The following FBRSL1 variants were observed in gnomAD, a reference collection of about 807,000 sequenced individuals.
The protein encoded by FBRSL1 is fibrosin-1-like protein.
In FBRSL1, 51 loss-of-function variants were observed where a neutral mutation model predicts 89.6. The ratio of observed to expected loss-of-function variants is 0.57; its 90% CI spans 0.45 to 0.72. The LOEUF (loss-of-function observed/expected upper bound fraction) is 0.72. Ranked by LOEUF, FBRSL1 falls within the 30% of genes least tolerant of loss-of-function variation. FBRSL1 has a pLI of 0.00. For missense variants in FBRSL1, 1,618 were observed against 1,451.8 expected (o/e 1.11, Z -1.86); for synonymous variants, 779 against 681.1 (o/e 1.14, Z -2.24).
intron 4 of FBRSL1, among the ~76,000 whole-genome samples, chr12:132,529,458 T>C (rs1050367440): frequency 6.6e-6 from 1 of 152,104 alleles, no homozygotes; most frequent in African/African-American, 2.4e-5. Context: ...GCCAGGCCCT[T>C]TGCACCCCCA....
chr12:132,583,811 C>A lies in FBRSL1; in HGVS notation c.*33C>A. 3 of 1,150,352 alleles carry A rather than the reference C, an allele frequency of 2.6e-6. No homozygotes were observed. Among genetic ancestry groups the A allele is most frequent in the Non-Finnish European group, 2.2e-6 (2 of 922,718 alleles). 71.3% of individuals were successfully genotyped at this position (1,150,352 alleles called of 1,614,324 possible). A position where few individuals can be genotyped will look rare whatever the true frequency, so the allele number is the denominator to read the frequency against. ...GCCGCAGACGCCTCTCCGAGCGGAG[C>A]GCACCGCTGTCCGTCTCTCCATCAG... On this transcript the variant is annotated 3_prime_UTR_variant, in exon 19 of 19. Coordinates refer to ENST00000680143, the MANE Select transcript of FBRSL1 (RefSeq NM_001367871.1).
intron 2 of FBRSL1, among the ~76,000 whole-genome samples, chr12:132,523,417 G>A (rs954511851): frequency 6.6e-6 from 1 of 152,050 alleles, no homozygotes; most frequent in Non-Finnish European, 1.5e-5. Context: ...GGTTTGGGAG[G>A]AGCACACGCA....
At position 132,583,194 on chromosome 12, in the gene FBRSL1, C is replaced by G; in HGVS notation, c.2425C>G (p.Pro809Ala). 1 of 1,448,824 alleles carries G rather than the reference C, an allele frequency of 6.9e-7. No homozygotes were observed. The highest frequency in any genetic ancestry group is 9.1e-7 in the Non-Finnish European group (1 of 1,104,050). The allele number at this position is 1,448,824 out of a possible 1,614,324, so 89.7% of individuals were successfully genotyped here. The change falls in exon 19 of 19, where the codon CCT (proline) becomes GCT (alanine). Residue 809 changes from proline (P) to alanine (A), a missense_variant. Pro to Ala is a conservative substitution (Grantham distance 27). Transcript: ENST00000680143. Reference sequence around the variant, plus strand: ...ATCCCCGCCCCACAGCAAGGCGGCCCCTGGAGACGTGAAGGTCAAGGAGGA... The same window carrying G: ...ATCCCCGCCCCACAGCAAGGCGGCCGCTGGAGACGTGAAGGTCAAGGAGGA... ...RASPPHSKAA[P>A]GDVKVKEERG...
chr12:132,565,329 A>G (rs1272079987), intron 5 of FBRSL1: 3 of 152,190 alleles, frequency 2.0e-5, no homozygotes, highest in Non-Finnish European at 4.4e-5. Context: ...TGGTGGACAC[A>G]TTCTACAATT....
chr12:132,574,641 G>A (rs775818068), intron 14 of FBRSL1, 77 bp downstream of exon 14: 2 of 1,500,228 alleles, frequency 1.3e-6, no homozygotes, highest in Non-Finnish European at 1.8e-6. Flanking sequence ...CCAGGCATGA[G>A]GCTGTGTGTG....
intron 1 of FBRSL1, among the ~76,000 whole-genome samples, chr12:132,498,071 C>T (rs1010592758): frequency 9.9e-5 from 15 of 152,164 alleles, no homozygotes; most frequent in African/African-American, 2.2e-4. Context: ...GGCTGCACCC[C>T]GGGAGAGCTG....
rs532776558 is a variant in FBRSL1 at position 132,557,332 on chromosome 12, T to TC, written c.645+9305dup. On this transcript the variant is annotated intron_variant, in intron 5 of 18. Transcript: ENST00000680143. Reference sequence around the variant, plus strand: ...CCTGCTCTCCGGTGAATGCCTTTCTTCCCCCGGATAATCTATTCCCACTCC... The same window carrying TC: ...CCTGCTCTCCGGTGAATGCCTTTCTTCCCCCCGGATAATCTATTCCCACTCC... Among the ~76,000 whole-genome samples, 253 of 152,302 alleles carry TC rather than the reference T, an allele frequency of 1.7e-3. 1 individual carries two copies. Among genetic ancestry groups the TC allele is most frequent in the African/African-American group, 5.8e-3 (241 of 41,556 alleles).
chr12:132,510,357 C>T (rs2034196096), intron 2 of FBRSL1: 1 of 1,231,822 alleles, frequency 8.1e-7, no homozygotes, highest in Non-Finnish European at 1.0e-6. Flanking sequence ...GGCCCTGGGC[C>T]ATCCCTGCCG....
At chr12:132,525,621 TG>T in intron 2 of FBRSL1, 112 bp from the exon 3 acceptor site, 1 of 843,400 alleles carries the variant, frequency 1.2e-6, no homozygotes, top group Non-Finnish European at 1.9e-6. Flanking sequence ...TCGGGGCGCC[TG>T]GGGCCGGGGT....
At chr12:132,562,468 C>T (rs73477792) in intron 5 of FBRSL1, among the ~76,000 whole-genome samples, 3,939 of 117,736 alleles carry the variant, frequency 0.033, 162 homozygotes, top group African/African-American at 0.11. Context: ...GAAACAACCT[C>T]CTCAGAAGGA....
chr12:132,548,241 C>T (rs923316923), intron 5 of FBRSL1, among the ~76,000 whole-genome samples: 5 of 152,158 alleles, frequency 3.3e-5, no homozygotes, highest in African/African-American at 4.8e-5. Flanking sequence ...GGGCTGGGGC[C>T]GGTACCGTGT....
At chr12:132,517,102 G>C (rs1290928795) in intron 2 of FBRSL1, among the ~76,000 whole-genome samples, 2 of 152,246 alleles carry the variant, frequency 1.3e-5, no homozygotes, top group Admixed American at 1.3e-4. Flanking sequence ...CCTGTGCAGG[G>C]CCTGTGGAGA....
At position 132,499,657 on chromosome 12, in the gene FBRSL1, T is replaced by G; in HGVS notation, c.292-8496T>G. ...GGGCACATGTAGCAGGTGGTACAGG[T>G]TTGGGGTGCCGGTGGCAGGCAGGCT... On this transcript the variant is annotated intron_variant, in intron 1 of 18. Transcript: ENST00000680143. The surrounding 1 kb of genome is among the most constrained non-coding windows in gnomAD (Gnocchi z 4.3). 6.7e-6 allele frequency among the ~76,000 whole-genome samples: 1 copy of G among 149,126 alleles called. No homozygotes were observed.
intron 2 of FBRSL1, among the ~76,000 whole-genome samples, chr12:132,522,044 A>AGCCTG (rs1173021396): frequency 1.3e-5 from 2 of 151,774 alleles, no homozygotes; most frequent in African/African-American, 4.8e-5. Flanking sequence ...GTGGCCCCTC[A>AGCCTG]GCCTGCCGGC....
At chr12:132,501,744 T>A (rs2032992608) in intron 1 of FBRSL1, among the ~76,000 whole-genome samples, 2 of 152,128 alleles carry the variant, frequency 1.3e-5, no homozygotes, top group South Asian at 4.1e-4. Flanking sequence ...CAGTGGTGGA[T>A]TCCTCGTCCC....
intron 15 of FBRSL1, 159 bp from the exon 16 acceptor site, chr12:132,581,278 CCT>C: frequency 2.0e-6 from 2 of 985,444 alleles, no homozygotes. Flanking sequence ...GTAGATTCCA[CCT>C]CTTACTCTGA....
intron 5 of FBRSL1, among the ~76,000 whole-genome samples, chr12:132,557,113 T>C (rs2038741575): frequency 6.6e-6 from 1 of 152,294 alleles, no homozygotes. Context: ...TGGTTAATGG[T>C]TGGGGCCTCC....
At chr12:132,562,698 C>T (rs1362523704) in intron 5 of FBRSL1, among the ~76,000 whole-genome samples, 2 of 152,116 alleles carry the variant, frequency 1.3e-5, no homozygotes, top group Non-Finnish European at 2.9e-5. Flanking sequence ...TGCTCCTTTC[C>T]GAGGGGCCCA....
chr12:132,530,562 A>G (rs2036174311), intron 4 of FBRSL1, among the ~76,000 whole-genome samples: 1 of 151,916 alleles, frequency 6.6e-6, no homozygotes, highest in African/African-American at 2.4e-5. Flanking sequence ...GCCCTGAGCC[A>G]CTGGGTGCCC....
Sources: allele counts gnomAD v4.1 joint callset (sites outside exome capture counted in the v4.1 genomes callset), GRCh38; gene constraint gnomAD v4.1.1; non-coding constraint Gnocchi (gnomAD v3.1); transcripts MANE v1.5; gene names NCBI Gene and HGNC (gene_info 2026-07-23, HGNC 2026-07-21).